Variants in HAUS2 observed in about 807,000 individuals in gnomAD.
HAUS2 encodes HAUS augmin-like complex subunit 2.
A neutral mutation model predicts 21.6 loss-of-function variants in HAUS2; 20 were observed. The observed-to-expected ratio is 0.93, with a 90% CI of 0.65 to 1.35. The LOEUF is 1.35. HAUS2 is among the 40% of genes most tolerant of loss of function. The pLI is 0.00. For missense variants in HAUS2, 297 were observed against 280.7 expected, an observed-to-expected ratio of 1.06 and a Z score of -0.42; for synonymous variants, 113 against 95.6, an observed-to-expected ratio of 1.18 and a Z score of -1.06.
At chr15:42,563,174 T>C (rs1202213399) in intron 4 of HAUS2, among the ~76,000 whole-genome samples, 3 of 151,398 alleles carry the variant, frequency 2.0e-5, no homozygotes, top group African/African-American at 2.4e-5. Flanking sequence ...CCCAGCACTT[T>C]GGGAGGCCAA....
chr15:42,551,786 T>A (rs902110547), intron 1 of HAUS2, among the ~76,000 whole-genome samples: 4 of 152,126 alleles, frequency 2.6e-5, no homozygotes, highest in African/African-American at 9.7e-5. Context: ...GGGGTGGTGG[T>A]TGTCTTGGGG....
intron 4 of HAUS2, among the ~76,000 whole-genome samples, chr15:42,563,385 C>A (rs376500549): frequency 1.0e-3 from 143 of 141,934 alleles, no homozygotes; most frequent in African/African-American, 3.7e-3. Flanking sequence ...GTGCTCCAGC[C>A]TGGTGACATA....
At position 42,569,770 on chromosome 15, in the gene HAUS2, G is replaced by A. The variant is rs1187019883; in HGVS notation, c.*2954G>A. 4 of 152,176 alleles carry A rather than the reference G, an allele frequency of 2.6e-5. No individual in the cohort carries two copies. Among genetic ancestry groups the A allele is most frequent in the Non-Finnish European group, 5.9e-5 (4 of 68,010 alleles). The allele number at this position is 152,176 out of a possible 1,614,324, so 9.4% of individuals were successfully genotyped here. Reference sequence around the variant, plus strand: ...AGGATAAGAGTGATCGTAATATCTCGAACATTACATAGACACTTAAAACCT... The same window carrying A: ...AGGATAAGAGTGATCGTAATATCTCAAACATTACATAGACACTTAAAACCT... On this transcript the variant is annotated 3_prime_UTR_variant, in exon 6 of 6. Transcript: ENST00000260372.
In HAUS2 at chr15:42,569,733, A is replaced by G. The variant is rs1160276387; in HGVS notation, c.*2917A>G. On this transcript the variant is annotated 3_prime_UTR_variant, in exon 6 of 6. Transcript: ENST00000260372. ...TCATGTTTTAAAGCCTAGTTTGCTAATTTTTGCTAGTAGGATAAGAGTGAT... is the reference window on the plus strand; with the variant it reads ...TCATGTTTTAAAGCCTAGTTTGCTAGTTTTTGCTAGTAGGATAAGAGTGAT... The G allele has an allele frequency of 6.6e-6, 1 of 152,168 alleles. No individual in the cohort carries two copies. Among genetic ancestry groups the G allele is most frequent in the Admixed American group, 6.6e-5 (1 of 15,264 alleles). 9.4% of individuals were successfully genotyped at this position (152,168 alleles called of 1,614,324 possible).
intron 2 of HAUS2, among the ~76,000 whole-genome samples, 200 bp from the exon 3 acceptor site, chr15:42,559,136 CTTT>C (rs370146156): frequency 5.1e-5 from 7 of 138,292 alleles, no homozygotes; most frequent in Admixed American, 1.5e-4. Flanking sequence ...CCCCTGGACT[CTTT>C]TTTTTTTTTT....
intron 1 of HAUS2, among the ~76,000 whole-genome samples, chr15:42,557,740 A>C (rs952698234): frequency 9.9e-5 from 15 of 151,924 alleles, no homozygotes; most frequent in Admixed American, 3.3e-4. Context: ...GAACATACAC[A>C]GTATGAATGA....
chr15:42,560,020 T>C (rs953355119), intron 3 of HAUS2, among the ~76,000 whole-genome samples: 3 of 152,044 alleles, frequency 2.0e-5, no homozygotes, highest in African/African-American at 7.2e-5. Context: ...GCCAGCATTG[T>C]AGCATGTACC....
At position 42,569,286 on chromosome 15, in the gene HAUS2, T is replaced by C. The variant is rs1480887669; in HGVS notation, c.*2470T>C. The C allele has an allele frequency of 6.6e-6, 1 of 150,636 alleles. No homozygotes were observed. Among genetic ancestry groups the C allele is most frequent in the Non-Finnish European group, 1.5e-5 (1 of 67,952 alleles). The allele number at this position is 150,636 out of a possible 1,614,324, so 9.3% of individuals were successfully genotyped here. ...ACATCAGTTTTGTTTTTTGTTTTGT[T>C]CTTTTCTTTCCTTTTTTTTTTTTTT... On this transcript the variant is annotated 3_prime_UTR_variant, in exon 6 of 6. Transcript: ENST00000260372.
At chr15:42,560,651 C>A in intron 3 of HAUS2, 1 of 514,764 alleles carries the variant, frequency 1.9e-6, no homozygotes, top group Non-Finnish European at 3.5e-6. Context: ...GTGTGTCACT[C>A]TGTAACCCAG....
intron 1 of HAUS2, among the ~76,000 whole-genome samples, chr15:42,556,417 C>T (rs1183682792): frequency 6.6e-6 from 1 of 151,280 alleles, no homozygotes; most frequent in Non-Finnish European, 1.5e-5. Flanking sequence ...GTGTGCACCA[C>T]TCCTGCCTGG....
At chr15:42,562,666 T>C (rs1274781321) in intron 4 of HAUS2, among the ~76,000 whole-genome samples, 1 of 152,226 alleles carries the variant, frequency 6.6e-6, no homozygotes, top group Non-Finnish European at 1.5e-5. Context: ...TTACCCTTAA[T>C]GTATATATTG....
intron 1 of HAUS2, 43 bp from the exon 2 acceptor site, chr15:42,558,153 ACT>A (rs2141598316): frequency 1.2e-6 from 1 of 830,268 alleles, no homozygotes; most frequent in East Asian, 2.5e-5. Context: ...GTACCTAGAA[ACT>A]TTTTGTGACA....
chr15:42,558,963 C>CA (rs937422726), intron 2 of HAUS2, among the ~76,000 whole-genome samples: 12 of 151,506 alleles, frequency 7.9e-5, no homozygotes, highest in South Asian at 2.1e-4. Context: ...GTCTCAAAAA[C>CA]AAAAAAACTT....
At chr15:42,549,845 GAGA>G (rs2057703722) in intron 1 of HAUS2, among the ~76,000 whole-genome samples, 1 of 148,552 alleles carries the variant, frequency 6.7e-6, no homozygotes. Flanking sequence ...GATTAATTTT[GAGA>G]AGGAGAGAAA....
intron 1 of HAUS2, among the ~76,000 whole-genome samples, chr15:42,556,261 CTTT>C (rs1200353279): frequency 9.2e-5 from 7 of 76,296 alleles, no homozygotes; most frequent in Non-Finnish European, 1.7e-4. Context: ...TGCGCCCAGG[CTTT>C]TTTTTTTTTT....
intron 5 of HAUS2, among the ~76,000 whole-genome samples, chr15:42,564,141 C>T (rs1379065196): frequency 6.6e-6 from 1 of 151,756 alleles, no homozygotes; most frequent in Non-Finnish European, 1.5e-5. Flanking sequence ...TGGTGCGTGC[C>T]TGTAATTCCA....
In HAUS2 at chr15:42,563,643, G is replaced by A. The variant is rs1056681698; in HGVS notation, c.390-106G>A. 13 of 712,236 alleles carry A rather than the reference G, an allele frequency of 1.8e-5. No homozygotes were observed. The East Asian group carries it at 3.3e-4, about 18-fold the overall frequency. The allele number at this position is 712,236 out of a possible 1,614,324, so 44.1% of individuals were successfully genotyped here. A position where few individuals can be genotyped will look rare whatever the true frequency, so the allele number is the denominator to read the frequency against. ...AAGGTTGTTATTGGCTCTCTAGGTT[G>A]ATTGTAATTCTTATCTCAAATTAAA... On this transcript the variant is annotated intron_variant, in intron 4 of 5. Coordinates refer to ENST00000260372, the MANE Select transcript of HAUS2 (RefSeq NM_018097.3).
rs1176855088 is a variant in HAUS2, at chr15:42,568,123, A to T, written c.*1307A>T. ...TGTCACTAAGTATGCAGAAAAGAGT[A>T]ACACAGCCAGCCTGACTTATCCTTT... On this transcript the variant is annotated 3_prime_UTR_variant, in exon 6 of 6. Coordinates refer to ENST00000260372, the MANE Select transcript of HAUS2 (RefSeq NM_018097.3). 1 of 152,274 alleles carries T rather than the reference A, an allele frequency of 6.6e-6. No homozygotes were observed. The highest frequency in any genetic ancestry group is 1.5e-5 in the Non-Finnish European group (1 of 68,060). 9.4% of individuals were successfully genotyped at this position (152,274 alleles called of 1,614,324 possible).
Position 42,558,278 on chromosome 15 carries a change from T to C in HAUS2, c.174T>C (p.Ala58=). The C allele has an allele frequency of 7.6e-7, 1 of 1,307,572 alleles. No individual in the cohort carries two copies. Among genetic ancestry groups the C allele is most frequent in the Non-Finnish European group, 1.1e-6 (1 of 914,106 alleles). 81.0% of individuals were successfully genotyped at this position (1,307,572 alleles called of 1,614,324 possible). Residue 58 remains alanine, a synonymous_variant, in exon 2 of 6, where the codon GCT becomes GCC. Coordinates refer to ENST00000260372, the MANE Select transcript of HAUS2 (RefSeq NM_018097.3). ...TACAGCAGATCACAAATATTCAAGC[T>C]GAAATCTACCAGGTAAATCATTTTG... ...TRLQQITNIQ[A]EIYQKNLEIE... is the part of the protein sequence containing the mutation.
Sources: allele counts gnomAD v4.1 joint callset (sites outside exome capture counted in the v4.1 genomes callset), GRCh38; gene constraint gnomAD v4.1.1; transcripts MANE v1.5; gene names NCBI Gene and HGNC (gene_info 2026-07-23, HGNC 2026-07-21).